The following GRID1 variants were observed in gnomAD, a reference collection of about 807,000 sequenced individuals.
GRID1 encodes the protein glutamate receptor ionotropic, delta-1.
A neutral mutation model predicts 98.0 loss-of-function variants in GRID1; 28 were observed. That is an observed-to-expected ratio of 0.29 (90% CI 0.21 to 0.39). The LOEUF (loss-of-function observed/expected upper bound fraction) is 0.39. Ranked by LOEUF, GRID1 falls within the 10% of genes least tolerant of loss-of-function variation. The pLI is 1.00. For synonymous variants in GRID1, 553 were observed against 538.5 expected, an observed-to-expected ratio of 1.03 and a Z score of -0.37; for missense variants, 1,111 against 1,340.5, an observed-to-expected ratio of 0.83 and a Z score of 2.67.
intron 5 of GRID1, among the ~76,000 whole-genome samples, chr10:85,871,311 A>G (rs1311980647): frequency 6.6e-6 from 1 of 152,188 alleles, no homozygotes; most frequent in Non-Finnish European, 1.5e-5. Flanking sequence ...TGAAAAACAG[A>G]ATGGTTTTAT....
At chr10:85,859,495 C>T (rs1307815715) in intron 6 of GRID1, among the ~76,000 whole-genome samples, 3 of 151,952 alleles carry the variant, frequency 2.0e-5, no homozygotes, top group African/African-American at 7.3e-5. Flanking sequence ...CCATGTTTTA[C>T]AAAAAAGAGA....
intron 14 of GRID1, among the ~76,000 whole-genome samples, chr10:85,618,601 A>G (rs1842819728): frequency 6.6e-6 from 1 of 152,224 alleles, no homozygotes; most frequent in Non-Finnish European, 1.5e-5. Flanking sequence ...ATTTACCTTA[A>G]TTAGCCCTAC....
intron 2 of GRID1, among the ~76,000 whole-genome samples, chr10:86,290,323 C>T (rs1847494838): frequency 6.6e-6 from 1 of 152,136 alleles, no homozygotes; most frequent in Non-Finnish European, 1.5e-5. Flanking sequence ...TTGGGGTGCT[C>T]CTGGGGAGGA....
intron 4 of GRID1, among the ~76,000 whole-genome samples, chr10:86,032,284 T>TG (rs1262458705): frequency 7.3e-5 from 11 of 151,630 alleles, no homozygotes; most frequent in Non-Finnish European, 1.0e-4. Context: ...GTCTGGGAGG[T>TG]GGGGGGCCCC....
intron 2 of GRID1, among the ~76,000 whole-genome samples, chr10:86,329,756 A>G (rs1353124052): frequency 1.3e-5 from 2 of 152,168 alleles, no homozygotes; most frequent in Middle Eastern, 3.4e-3. Flanking sequence ...ACCCCTGCTC[A>G]TGCTCTGGAC....
intron 2 of GRID1, among the ~76,000 whole-genome samples, chr10:86,252,172 A>G (rs1189202571): frequency 1.3e-5 from 2 of 152,208 alleles, no homozygotes; most frequent in African/African-American, 2.4e-5. Context: ...CCTGTGAAGC[A>G]GTACTGGATT....
At chr10:86,327,414 T>C (rs1404666948) in intron 2 of GRID1, among the ~76,000 whole-genome samples, 1 of 152,130 alleles carries the variant, frequency 6.6e-6, no homozygotes, top group Non-Finnish European at 1.5e-5. Context: ...CTTAAAGAAT[T>C]TCCCCAAGCA....
At chr10:86,326,933 C>T (rs139946729) in intron 2 of GRID1, among the ~76,000 whole-genome samples, 3,985 of 152,210 alleles carry the variant, frequency 0.026, 62 homozygotes, top group Middle Eastern at 0.054. Flanking sequence ...GTCAGGAGTT[C>T]GAGACCAGCC....
At chr10:86,216,014 G>A (rs1846172743) in intron 2 of GRID1, among the ~76,000 whole-genome samples, 1 of 152,132 alleles carries the variant, frequency 6.6e-6, no homozygotes, top group Non-Finnish European at 1.5e-5. Context: ...TGCACGTGCT[G>A]ATTCCCTTTT....
intron 4 of GRID1, among the ~76,000 whole-genome samples, chr10:86,032,396 TG>T (rs560451783): frequency 1.3e-5 from 2 of 152,062 alleles, no homozygotes; most frequent in Non-Finnish European, 2.9e-5. Flanking sequence ...GGGGGAAGTG[TG>T]GGGAAAGGAA....
At chr10:85,963,967 A>C (rs1180319217) in intron 4 of GRID1, among the ~76,000 whole-genome samples, 2 of 152,204 alleles carry the variant, frequency 1.3e-5, no homozygotes, top group Non-Finnish European at 2.9e-5. Context: ...GAATTAAAAA[A>C]TCACAAGCAT....
intron 2 of GRID1, among the ~76,000 whole-genome samples, chr10:86,330,281 C>T (rs2132102017): frequency 6.6e-6 from 1 of 152,288 alleles, no homozygotes; most frequent in South Asian, 2.1e-4. Flanking sequence ...TTCTTACCAG[C>T]CTTCCTTGGG....
At chr10:86,262,985 C>G (rs918230025) in intron 2 of GRID1, among the ~76,000 whole-genome samples, 9 of 150,948 alleles carry the variant, frequency 6.0e-5, no homozygotes, top group Non-Finnish European at 1.3e-4. Context: ...CAGGGCTCAG[C>G]GCGCTGGGAG....
At position 85,993,512 on chromosome 10, in the gene GRID1, ACCATTTAATCCTCCTACTGTC is replaced by A. The variant is rs1187658894; in HGVS notation, c.727-77294_727-77274del. 3.3e-5 allele frequency among the ~76,000 whole-genome samples: 5 copies of A among 152,184 alleles called. No homozygotes were observed. The South Asian group carries it at 6.2e-4, about 19-fold the overall frequency. ...GTGTTGGAAACCCACTGGTCCTAGGACCATTTAATCCTCCTACTGTCCCATTTAATCCTCCTACAAGTCTGC... is the reference window on the plus strand; with the variant it reads ...GTGTTGGAAACCCACTGGTCCTAGGACCATTTAATCCTCCTACAAGTCTGC... On this transcript the variant is annotated intron_variant, in intron 4 of 15. Transcript: ENST00000327946.
At chr10:86,313,874 A>C (rs974468906) in intron 2 of GRID1, among the ~76,000 whole-genome samples, 2 of 152,148 alleles carry the variant, frequency 1.3e-5, no homozygotes, top group South Asian at 2.1e-4. Context: ...TGTTTCTGCC[A>C]AACTCCATGC....
chr10:86,030,683 T>C (rs1843174402), intron 4 of GRID1, among the ~76,000 whole-genome samples: 2 of 152,116 alleles, frequency 1.3e-5, no homozygotes, highest in South Asian at 4.2e-4. Flanking sequence ...CACTCCAGAG[T>C]GGGGAATGAT....
intron 12 of GRID1, among the ~76,000 whole-genome samples, chr10:85,698,097 T>G (rs1035765369): frequency 5.3e-5 from 8 of 152,132 alleles, no homozygotes; most frequent in Non-Finnish European, 4.4e-5. Context: ...CCAAGGGTAA[T>G]CTGGAGAGTG....
intron 4 of GRID1, among the ~76,000 whole-genome samples, chr10:86,099,419 C>G (rs1263169319): frequency 6.6e-6 from 1 of 152,126 alleles, no homozygotes; most frequent in Non-Finnish European, 1.5e-5. Context: ...GACGAACACA[C>G]CACTACAAGA....
At chr10:86,013,169 T>C (rs1311894033) in intron 4 of GRID1, among the ~76,000 whole-genome samples, 2 of 152,198 alleles carry the variant, frequency 1.3e-5, no homozygotes, top group African/African-American at 4.8e-5. Flanking sequence ...AATAGATATC[T>C]TCAGCAGTAA....
Sources: gnomAD v4.1 joint callset for allele counts (sites outside exome capture counted in the v4.1 genomes callset) on GRCh38, gnomAD v4.1.1 for gene constraint, MANE v1.5 for transcripts, NCBI Gene and HGNC (gene_info 2026-07-23, HGNC 2026-07-21) for gene names.